Variants in CACNG2 observed in about 807,000 individuals in gnomAD.
CACNG2 encodes the protein calcium voltage-gated channel auxiliary subunit gamma 2.
A neutral mutation model predicts 25.9 loss-of-function variants in CACNG2; 3 were observed. The ratio of observed to expected loss-of-function variants is 0.12; its 90% CI spans 0.05 to 0.30. The LOEUF is 0.30. CACNG2 is among the 10% of genes least tolerant of loss of function. The pLI is 1.00. For missense variants in CACNG2, 341 were observed against 432.5 expected, an observed-to-expected ratio of 0.79 and a Z score of 1.88; for synonymous variants, 167 against 173.3, an observed-to-expected ratio of 0.96 and a Z score of 0.29.
chr22:36,601,556 C>T (rs1371786432), intron 1 of CACNG2, among the ~76,000 whole-genome samples: 1 of 152,020 alleles, frequency 6.6e-6, no homozygotes, highest in Non-Finnish European at 1.5e-5. Flanking sequence ...TGCAATGGCA[C>T]ACTCTTGGCT....
intron 1 of CACNG2, among the ~76,000 whole-genome samples, chr22:36,697,158 G>C (rs1047574382): frequency 6.6e-6 from 1 of 152,228 alleles, no homozygotes; most frequent in African/African-American, 2.4e-5. Flanking sequence ...ATTGACTGCT[G>C]CATTTCCTTA....
At chr22:36,671,570 G>A (rs1382870111) in intron 1 of CACNG2, among the ~76,000 whole-genome samples, 1 of 152,162 alleles carries the variant, frequency 6.6e-6, no homozygotes, top group African/African-American at 2.4e-5. Flanking sequence ...GGCAAATCTG[G>A]GCGTTAGGAT....
At chr22:36,672,589 C>G (rs942123493) in intron 1 of CACNG2, among the ~76,000 whole-genome samples, 1 of 152,136 alleles carries the variant, frequency 6.6e-6, no homozygotes, top group Non-Finnish European at 1.5e-5. Flanking sequence ...AGTCGGATTC[C>G]CCCAGCTTCT....
intron 1 of CACNG2, among the ~76,000 whole-genome samples, chr22:36,675,145 T>C (rs908702257): frequency 1.3e-5 from 2 of 152,202 alleles, no homozygotes; most frequent in Non-Finnish European, 2.9e-5. Context: ...CAGGTGATCC[T>C]CCTGCCTCAA....
intron 1 of CACNG2, among the ~76,000 whole-genome samples, chr22:36,683,315 A>G (rs1243203150): frequency 1.3e-5 from 2 of 152,370 alleles, no homozygotes; most frequent in East Asian, 1.9e-4. Context: ...CCCTCGGGTC[A>G]AAGTCCAATA....
At chr22:36,614,909 T>C (rs1324359383) in intron 1 of CACNG2, among the ~76,000 whole-genome samples, 1 of 152,222 alleles carries the variant, frequency 6.6e-6, no homozygotes, top group Non-Finnish European at 1.5e-5. Flanking sequence ...CTTCGGAGTC[T>C]GGGGGAAGAA....
intron 1 of CACNG2, among the ~76,000 whole-genome samples, chr22:36,700,542 T>G (rs1341489738): frequency 2.6e-5 from 4 of 152,224 alleles, no homozygotes; most frequent in Non-Finnish European, 5.9e-5. Flanking sequence ...GAAAGCAAAT[T>G]GCCACTATGA....
At chr22:36,695,408 C>A (rs1937325075) in intron 1 of CACNG2, among the ~76,000 whole-genome samples, 1 of 152,052 alleles carries the variant, frequency 6.6e-6, no homozygotes, top group South Asian at 2.1e-4. Context: ...TACCCTTTAA[C>A]AAGACTAACA....
intron 1 of CACNG2, among the ~76,000 whole-genome samples, chr22:36,658,560 A>G (rs1289517440): frequency 6.6e-6 from 1 of 152,210 alleles, no homozygotes; most frequent in Non-Finnish European, 1.5e-5. Context: ...AGGGCTTCTA[A>G]GTGTTGGGGT....
At chr22:36,697,087 C>T (rs1195385367) in intron 1 of CACNG2, among the ~76,000 whole-genome samples, 1 of 152,164 alleles carries the variant, frequency 6.6e-6, no homozygotes, top group Non-Finnish European at 1.5e-5. Context: ...GGGGACAGCT[C>T]CAAAATGAAA....
Position 36,564,284 on chromosome 22 carries a change from C to T in CACNG2, c.*67G>A. ...GTCTCCCAGCGGAGGGTCTGGGTCT[C>T]CCCGCCCCGCCCCGCCCCCGGGGAC... On this transcript the variant is annotated 3_prime_UTR_variant, in exon 4 of 4. Transcript: ENST00000300105. The surrounding 1 kb of genome is among the most constrained non-coding windows in gnomAD (Gnocchi z 6.7). The T allele has an allele frequency of 6.9e-7, 1 of 1,455,644 alleles. No homozygotes were observed. The highest frequency in any genetic ancestry group is 1.4e-5 in the African/African-American group (1 of 71,032). 90.2% of individuals were successfully genotyped at this position (1,455,644 alleles called of 1,614,324 possible). A position where few individuals can be genotyped will look rare whatever the true frequency, so the allele number is the denominator to read the frequency against.
In CACNG2 at chr22:36,564,962, G is replaced by C; in HGVS notation, c.437-76C>G. 7.3e-7 allele frequency: 1 copy of C among 1,379,122 alleles called. No individual in the cohort carries two copies. The highest frequency in any genetic ancestry group is 1.0e-6 in the Non-Finnish European group (1 of 981,114). 85.4% of individuals were successfully genotyped at this position (1,379,122 alleles called of 1,614,324 possible). On this transcript the variant is annotated intron_variant, in intron 3 of 3. Transcript: ENST00000300105. This position sits in a 1 kb window ranked among gnomAD's most constrained non-coding sequence, Gnocchi z 6.7. ...TTCTCAGGAAGTCGGCCACAGGGCA[G>C]CCGTAAAGGACGGGGACAGCTGTGT...
intron 1 of CACNG2, among the ~76,000 whole-genome samples, chr22:36,589,094 G>A (rs1438197462): frequency 6.7e-6 from 1 of 150,100 alleles, no homozygotes; most frequent in Non-Finnish European, 1.5e-5. Context: ...AAGTTCAAGT[G>A]ATTCTCCTGC....
intron 1 of CACNG2, among the ~76,000 whole-genome samples, chr22:36,592,248 T>G (rs1043466079): frequency 5.5e-3 from 74 of 13,430 alleles, no homozygotes; most frequent in South Asian, 7.9e-3. Flanking sequence ...GGGTGGGGGG[T>G]GGAGCGGGGA....
chr22:36,571,714 C>A (rs774329051), intron 2 of CACNG2, among the ~76,000 whole-genome samples: 6 of 151,020 alleles, frequency 4.0e-5, no homozygotes, highest in Non-Finnish European at 8.9e-5. Flanking sequence ...TCGTCTCTAC[C>A]AAAAATAAAA....
At chr22:36,664,735 C>T (rs916811478) in intron 1 of CACNG2, among the ~76,000 whole-genome samples, 2 of 152,140 alleles carry the variant, frequency 1.3e-5, no homozygotes, top group Non-Finnish European at 2.9e-5. Context: ...TCGTCTAATT[C>T]GATTATGCTT....
At chr22:36,579,848 A>G (rs1053223570) in intron 2 of CACNG2, among the ~76,000 whole-genome samples, 1 of 152,168 alleles carries the variant, frequency 6.6e-6, no homozygotes, top group Non-Finnish European at 1.5e-5. Flanking sequence ...CTCTGCTTCA[A>G]TGTCACCTTT....
chr22:36,650,434 G>A (rs1256920601), intron 1 of CACNG2, among the ~76,000 whole-genome samples: 1 of 151,810 alleles, frequency 6.6e-6, no homozygotes, highest in Non-Finnish European at 1.5e-5. Context: ...GCAGTGCTTC[G>A]ATCCCAGCTC....
chr22:36,564,790 C>G lies in CACNG2; in HGVS notation c.533G>C (p.Trp178Ser). 1 of 1,614,232 alleles carries G rather than the reference C, an allele frequency of 6.2e-7. No homozygotes were observed. Among genetic ancestry groups the G allele is most frequent in the Non-Finnish European group, 8.5e-7 (1 of 1,180,042 alleles). Residue 178 changes from tryptophan to serine, a missense_variant, in exon 4 of 4, where the codon TGG becomes TCG. Physicochemically the swap from Trp to Ser is radical, Grantham distance 177. This residue lies in a region of CACNG2 where 169 missense variants were observed against 254.4 expected (regional missense o/e 0.66). Transcript: ENST00000300105. This position sits in a 1 kb window ranked among gnomAD's most constrained non-coding sequence, Gnocchi z 6.7. ...DSKKNSYSYG[W>S]SFYFGALSFI... ...GGACAGGGCCCCGAAGTAGAAGGAC[C>G]AGCCGTATGAGTAACTATTCTTTTT... is the stretch of plus-strand genomic sequence containing the variant.
Sources: allele counts gnomAD v4.1 joint callset (sites outside exome capture counted in the v4.1 genomes callset), GRCh38; gene constraint gnomAD v4.1.1; regional missense constraint gnomAD v4.1.1; non-coding constraint Gnocchi (gnomAD v3.1); transcripts MANE v1.5; gene names NCBI Gene and HGNC (gene_info 2026-07-23, HGNC 2026-07-21).